The following EML6 variants were observed in gnomAD, a reference collection of about 807,000 sequenced individuals.
EML6 encodes echinoderm microtubule-associated protein-like 6.
Under a neutral mutation model 240.1 loss-of-function variants are expected in EML6, and 154 were observed. The observed-to-expected ratio is 0.64, with a 90% confidence interval of 0.56 to 0.73. The LOEUF (loss-of-function observed/expected upper bound fraction) is 0.73, where lower values mean the gene tolerates loss of function less well. Among genes scored for constraint, EML6 ranks in the 30% least tolerant of loss-of-function variants. The pLI is 0.00. For missense variants in EML6, 2,964 were observed against 2,474.6 expected (o/e 1.20, Z -4.20); for synonymous variants, 1,148 against 899.0 (o/e 1.28, Z -4.95).
intron 5 of EML6, among the ~76,000 whole-genome samples, chr2:54,823,523 G>A (rs1427591746): frequency 1.3e-5 from 2 of 151,994 alleles, no homozygotes; most frequent in Non-Finnish European, 2.9e-5. Flanking sequence ...AATAAATCAC[G>A]GGTTCCTTAG....
At position 54,903,080 on chromosome 2, in the gene EML6, C is replaced by T. The variant is rs1316908169; in HGVS notation, c.3161C>T (p.Ala1054Val). ...TGTGCCTTTTCCCCTGATGGGAAAG[C>T]CTTAGCGGTTGGCTTGAACGATGGG... is the stretch of plus-strand genomic sequence containing the variant. ...RCCAFSPDGK[A>V]LAVGLNDGSF... The change falls in exon 23 of 42, where the codon GCC becomes GTC. Residue 1054 changes from alanine to valine, a missense_variant. Transcript: ENST00000356458. The T allele has an allele frequency of 6.4e-7, 1 of 1,551,720 alleles. No individual in the cohort carries two copies. Among genetic ancestry groups the T allele is most frequent in the African/African-American group, 1.4e-5 (1 of 73,146 alleles).
intron 2 of EML6, among the ~76,000 whole-genome samples, chr2:54,737,522 C>G (rs1423481098): frequency 3.3e-5 from 5 of 152,154 alleles, no homozygotes; most frequent in Non-Finnish European, 5.9e-5. Context: ...TGGTCTTGAA[C>G]TCCTGACCTT....
chr2:54,857,198 A>G (rs1403107429), intron 11 of EML6, among the ~76,000 whole-genome samples: 1 of 152,190 alleles, frequency 6.6e-6, no homozygotes. Flanking sequence ...CGTACTGGGC[A>G]TCCGGGTGGA....
At chr2:54,821,060 C>T (rs937816876) in intron 5 of EML6, among the ~76,000 whole-genome samples, 5 of 152,122 alleles carry the variant, frequency 3.3e-5, no homozygotes, top group Non-Finnish European at 7.4e-5. Context: ...GCAAAAATTT[C>T]TCCTGACCCC....
chr2:54,863,519 A>C (rs1015346321), intron 12 of EML6, among the ~76,000 whole-genome samples: 1 of 152,154 alleles, frequency 6.6e-6, no homozygotes, highest in Non-Finnish European at 1.5e-5. Context: ...TGTCTCAAAA[A>C]AAGTATAAAT....
intron 10 of EML6, among the ~76,000 whole-genome samples, chr2:54,852,780 A>G (rs1670159597): frequency 6.6e-6 from 1 of 152,218 alleles, no homozygotes; most frequent in South Asian, 2.1e-4. Flanking sequence ...TATTTTGAAA[A>G]TACTTATTCT....
At chr2:54,968,544 G>A in intron 40 of EML6, 124 bp from the exon 41 acceptor site, 2 of 716,096 alleles carry the variant, frequency 2.8e-6, no homozygotes, top group Admixed American at 2.2e-5. Context: ...GATGAGTCCA[G>A]ACCAAATGGA....
intron 3 of EML6, among the ~76,000 whole-genome samples, chr2:54,815,658 A>T (rs1345503820): frequency 6.6e-6 from 1 of 152,224 alleles, no homozygotes; most frequent in African/African-American, 2.4e-5. Context: ...TTAAAAAATT[A>T]TAGCAAAGAA....
At chr2:54,888,441 C>T (rs549151557) in intron 17 of EML6, among the ~76,000 whole-genome samples, 6 of 152,318 alleles carry the variant, frequency 3.9e-5, no homozygotes, top group African/African-American at 1.4e-4. Flanking sequence ...TGGGCTGATT[C>T]TGCAGTTACA....
At chr2:54,789,309 C>T (rs533776917) in intron 2 of EML6, among the ~76,000 whole-genome samples, 10 of 151,798 alleles carry the variant, frequency 6.6e-5, no homozygotes, top group Middle Eastern at 3.4e-3. Flanking sequence ...GTCAGGAGAT[C>T]GAGACCATCC....
At chr2:54,915,808 A>T (rs1182150285) in intron 25 of EML6, among the ~76,000 whole-genome samples, 1 of 152,134 alleles carries the variant, frequency 6.6e-6, no homozygotes, top group African/African-American at 2.4e-5. Context: ...CTGGGCTTTA[A>T]TTTTAGCTAC....
Position 54,844,217 on chromosome 2 carries a change from G to T in EML6, c.1018G>T (p.Ala340Ser). Residue 340 changes from alanine to serine, a missense_variant, in exon 8 of 42, where the codon GCT becomes TCT. Ala to Ser is a moderately conservative substitution (Grantham distance 99). Coordinates refer to ENST00000356458, the MANE Select transcript of EML6 (RefSeq NM_001039753.4). ...GGCCCTGCACCCCAAGAAGCCTCTG[G>T]CTGTGACAGGCAGCGATGACCGCTC... ...ALALHPKKPLAVTGSDDRSVR... is the reference protein window; with the variant it reads ...ALALHPKKPLSVTGSDDRSVR... The T allele has an allele frequency of 6.4e-7, 1 of 1,551,686 alleles. No homozygotes were observed. The highest frequency in any genetic ancestry group is 8.7e-7 in the Non-Finnish European group (1 of 1,147,000).
At position 54,724,564 on chromosome 2, in the gene EML6, T is replaced by A. The variant is rs1478549112; in HGVS notation, c.-498T>A. 1 of 152,104 alleles carries A rather than the reference T, an allele frequency of 6.6e-6. No homozygotes were observed. Among genetic ancestry groups the A allele is most frequent in the African/African-American group, 2.4e-5 (1 of 41,406 alleles). 9.4% of individuals were successfully genotyped at this position (152,104 alleles called of 1,614,324 possible). On this transcript the variant is annotated 5_prime_UTR_variant, in exon 2 of 42. Coordinates refer to ENST00000356458, the MANE Select transcript of EML6 (RefSeq NM_001039753.4). The surrounding 1 kb of genome is among the most constrained non-coding windows in gnomAD (Gnocchi z 5.2). ...CTGGATATAGACTGTCAATTTCGGATCCAAAGACGGCGATGGCAGAGCTCA... is the reference window on the plus strand; with the variant it reads ...CTGGATATAGACTGTCAATTTCGGAACCAAAGACGGCGATGGCAGAGCTCA...
At chr2:54,940,918 T>C (rs1426009211) in intron 28 of EML6, among the ~76,000 whole-genome samples, 1 of 152,230 alleles carries the variant, frequency 6.6e-6, no homozygotes. Context: ...ATGCCTATTG[T>C]ACACACCAAG....
chr2:54,872,638 G>C (rs1353936530), intron 16 of EML6, among the ~76,000 whole-genome samples: 1 of 152,136 alleles, frequency 6.6e-6, no homozygotes, highest in East Asian at 1.9e-4. Context: ...GGCCTTCCAT[G>C]ATCTGGCCTT....
chr2:54,811,403 A>C (rs1206794790), intron 2 of EML6, among the ~76,000 whole-genome samples: 2 of 151,996 alleles, frequency 1.3e-5, no homozygotes, highest in East Asian at 3.9e-4. Context: ...TCCCCTTTGC[A>C]CCTTGTCTTT....
At chr2:54,911,175 TC>T (rs1489658403) in intron 25 of EML6, 133 bp downstream of exon 25, 2 of 521,382 alleles carry the variant, frequency 3.8e-6, no homozygotes, top group East Asian at 5.7e-5. Context: ...GTGTCTTCAA[TC>T]TGATTGCTTA....
At chr2:54,784,825 AC>A (rs1227572689) in intron 2 of EML6, among the ~76,000 whole-genome samples, 1 of 149,632 alleles carries the variant, frequency 6.7e-6, no homozygotes, top group African/African-American at 2.5e-5. Context: ...GCTAGAGAAA[AC>A]AAATTGTTAA....
intron 17 of EML6, among the ~76,000 whole-genome samples, chr2:54,884,354 C>T (rs1365093893): frequency 6.6e-6 from 1 of 152,178 alleles, no homozygotes; most frequent in East Asian, 1.9e-4. Context: ...AGAAGTTCTC[C>T]AAACCCTGTG....
Sources: gnomAD v4.1 joint callset for allele counts (sites outside exome capture counted in the v4.1 genomes callset) on GRCh38, gnomAD v4.1.1 for gene constraint, Gnocchi (gnomAD v3.1) non-coding constraint, MANE v1.5 for transcripts, NCBI Gene and HGNC (gene_info 2026-07-23, HGNC 2026-07-21) for gene names.